The following PRKCB variants were observed in gnomAD, a reference collection of about 807,000 sequenced individuals.
PRKCB encodes the protein protein kinase C beta.
A neutral mutation model predicts 81.5 loss-of-function variants in PRKCB; 13 were observed. The ratio of observed to expected loss-of-function variants is 0.16; its 90% confidence interval spans 0.10 to 0.25. PRKCB has a LOEUF of 0.25. PRKCB is among the 10% of genes least tolerant of loss of function. PRKCB has a pLI of 1.00. For synonymous variants in PRKCB, 335 were observed against 321.4 expected, an observed-to-expected ratio of 1.04 and a Z score of -0.45; for missense variants, 509 against 875.7, an observed-to-expected ratio of 0.58 and a Z score of 5.29.
At position 24,128,231 on chromosome 16, in the gene PRKCB, C is replaced by T. The variant is rs939261606; in HGVS notation, c.1065+4250C>T. Among the ~76,000 whole-genome samples the T allele has an allele frequency of 7.2e-5, 11 of 152,184 alleles. No individual in the cohort carries two copies. In the South Asian group the frequency reaches 8.3e-4, roughly 11 times the overall value. On this transcript the variant is annotated intron_variant, in intron 9 of 16. Coordinates refer to ENST00000643927, the MANE Select transcript of PRKCB (RefSeq NM_002738.7). ...CTCTACTAAAAATACAAAAATTAGC[C>T]GGGCATGGTGGCAGGCGCCTGTATT...
chr16:24,161,886 C>T (rs1967262018), intron 10 of PRKCB, among the ~76,000 whole-genome samples: 1 of 152,130 alleles, frequency 6.6e-6, no homozygotes, highest in Admixed American at 6.5e-5. Flanking sequence ...ATGTTTCTTC[C>T]ATTCCTTTTG....
At chr16:23,855,247 C>A (rs191738065) in intron 2 of PRKCB, among the ~76,000 whole-genome samples, 2 of 152,050 alleles carry the variant, frequency 1.3e-5, no homozygotes, top group East Asian at 3.9e-4. Context: ...TGATGGAGTG[C>A]GGATGAGGTC....
intron 2 of PRKCB, among the ~76,000 whole-genome samples, chr16:23,856,476 G>C (rs1962569356): frequency 6.6e-6 from 1 of 151,288 alleles, no homozygotes; most frequent in Admixed American, 6.6e-5. Context: ...AAGCAGAACA[G>C]AAAATATCAC....
At chr16:23,897,591 C>T (rs1311544539) in intron 2 of PRKCB, among the ~76,000 whole-genome samples, 1 of 152,166 alleles carries the variant, frequency 6.6e-6, no homozygotes, top group East Asian at 1.9e-4. Context: ...CTAGCTGTCA[C>T]CTGGCAGCTT....
At chr16:24,042,402 T>C (rs940064784) in intron 5 of PRKCB, among the ~76,000 whole-genome samples, 6 of 152,144 alleles carry the variant, frequency 3.9e-5, no homozygotes, top group Non-Finnish European at 5.9e-5. Flanking sequence ...CCAGTTCTGG[T>C]AGATCTCCCT....
chr16:23,936,901 T>C (rs1302964109), intron 2 of PRKCB, among the ~76,000 whole-genome samples: 1 of 152,194 alleles, frequency 6.6e-6, no homozygotes, highest in Non-Finnish European at 1.5e-5. Context: ...CCATAAGTGC[T>C]ATTTCTTGGT....
rs1210105406 is a variant in PRKCB, at chr16:23,912,507, C to CTTTTTTTTTTTTT, written c.205+75112_205+75124dup. 1.1e-3 allele frequency among the ~76,000 whole-genome samples: 78 copies of CTTTTTTTTTTTTT among 72,078 alleles called. 2 individuals carry two copies. Among genetic ancestry groups the CTTTTTTTTTTTTT allele is most frequent in the African/African-American group, 1.8e-3 (30 of 17,130 alleles). 47.3% of individuals were successfully genotyped at this position (72,078 alleles called of 152,430 possible). A position where few individuals can be genotyped will look rare whatever the true frequency, so the allele number is the denominator to read the frequency against. ...TCTTCTTTTCCTTTCTTTCTTTCTT[C>CTTTTTTTTTTTTT]TTTTTTTTTTTTTTTTTTTTTTTGA... is the stretch of plus-strand genomic sequence containing the variant. On this transcript the variant is annotated intron_variant, in intron 2 of 16. Coordinates refer to ENST00000643927, the MANE Select transcript of PRKCB (RefSeq NM_002738.7).
At chr16:23,847,497 C>A (rs1962398442) in intron 2 of PRKCB, among the ~76,000 whole-genome samples, 1 of 150,698 alleles carries the variant, frequency 6.6e-6, no homozygotes, top group Non-Finnish European at 1.5e-5. Context: ...TTCTTCCATT[C>A]ATTCATCCAA....
At chr16:23,969,504 T>C (rs1964529383) in intron 2 of PRKCB, among the ~76,000 whole-genome samples, 1 of 152,208 alleles carries the variant, frequency 6.6e-6, no homozygotes, top group Admixed American at 6.5e-5. Context: ...TCAAGTTACT[T>C]AACTTTTCAT....
At chr16:24,087,035 T>C (rs903364322) in intron 5 of PRKCB, among the ~76,000 whole-genome samples, 6 of 152,228 alleles carry the variant, frequency 3.9e-5, no homozygotes, top group East Asian at 1.9e-4. Flanking sequence ...TCTCTACTAA[T>C]GTATTTTTAT....
intron 10 of PRKCB, among the ~76,000 whole-genome samples, chr16:24,158,577 T>C (rs1435796010): frequency 1.3e-5 from 2 of 151,908 alleles, no homozygotes; most frequent in African/African-American, 2.4e-5. Context: ...TATATGTATA[T>C]GTATATGTAT....
intron 9 of PRKCB, among the ~76,000 whole-genome samples, chr16:24,128,499 T>G (rs940783537): frequency 2.6e-5 from 4 of 152,214 alleles, no homozygotes; most frequent in Non-Finnish European, 5.9e-5. Context: ...ACATTGAATT[T>G]CAAATGTGTA....
chr16:24,096,667 ATATATATATATATAT>A (rs1378278737), intron 7 of PRKCB, among the ~76,000 whole-genome samples: 185 of 17,806 alleles, frequency 0.01, 7 homozygotes, highest in East Asian at 0.032. Flanking sequence ...AAAAAAAAAA[ATATATATATATATAT>A]ATATATATAT....
At chr16:23,899,200 G>A (rs1378892253) in intron 2 of PRKCB, among the ~76,000 whole-genome samples, 5 of 152,200 alleles carry the variant, frequency 3.3e-5, no homozygotes, top group African/African-American at 1.2e-4. Flanking sequence ...AGAAAGAGGG[G>A]CAGAGATGCC....
intron 16 of PRKCB, among the ~76,000 whole-genome samples, chr16:24,209,414 C>T (rs1489737217): frequency 6.6e-6 from 1 of 152,146 alleles, no homozygotes; most frequent in Non-Finnish European, 1.5e-5. Flanking sequence ...CTGCAATCCC[C>T]ACACTGCAGC....
chr16:23,923,139 G>A (rs1412240947), intron 2 of PRKCB, among the ~76,000 whole-genome samples: 11 of 152,082 alleles, frequency 7.2e-5, no homozygotes. Flanking sequence ...GTTATGACAG[G>A]TGACAGAAAA....
chr16:24,032,780 T>G (rs912340992), intron 4 of PRKCB, among the ~76,000 whole-genome samples: 1 of 152,178 alleles, frequency 6.6e-6, no homozygotes, highest in African/African-American at 2.4e-5. Context: ...TTGCTCCTGA[T>G]CCACTGGTCA....
At chr16:24,185,384 G>A in intron 14 of PRKCB, 76 bp from the exon 15 acceptor site, 16 of 1,379,566 alleles carry the variant, frequency 1.2e-5, no homozygotes, top group Non-Finnish European at 1.6e-5. Flanking sequence ...CAGGGAGGAG[G>A]GTCTGCCAGT....
chr16:23,852,778 A>G (rs565378023), intron 2 of PRKCB, among the ~76,000 whole-genome samples: 17 of 152,306 alleles, frequency 1.1e-4, no homozygotes, highest in African/African-American at 3.8e-4. Context: ...CCTAACCTCT[A>G]TCACCTATGA....
Sources: gnomAD v4.1 joint callset for allele counts (sites outside exome capture counted in the v4.1 genomes callset) on GRCh38, gnomAD v4.1.1 for gene constraint, MANE v1.5 for transcripts, NCBI Gene and HGNC (gene_info 2026-07-23, HGNC 2026-07-21) for gene names.